The following CRADD variants were observed in gnomAD, a reference collection of about 807,000 sequenced individuals.
CRADD encodes death domain-containing protein CRADD.
Under a neutral mutation model 15.5 loss-of-function variants are expected in CRADD, and 9 were observed. The observed-to-expected ratio is 0.58, with a 90% CI of 0.35 to 1.01. The LOEUF (loss-of-function observed/expected upper bound fraction) is 1.01. CRADD is among the 50% of genes least tolerant of loss of function. The probability of loss-of-function intolerance (pLI) is 0.02; values close to 1 mark genes in which losing one functional copy is unlikely to be tolerated. For missense variants in CRADD, 227 were observed against 250.3 expected, an observed-to-expected ratio of 0.91 and a Z score of 0.63; for synonymous variants, 118 against 107.6, an observed-to-expected ratio of 1.10 and a Z score of -0.60.
intron 2 of CRADD, among the ~76,000 whole-genome samples, chr12:93,742,826 C>A (rs752042257): frequency 7.9e-5 from 12 of 152,026 alleles, no homozygotes; most frequent in Non-Finnish European, 1.5e-4. Flanking sequence ...TTTGAAGGGG[C>A]GAGTCAGGTG....
intron 2 of CRADD, chr12:93,738,572 T>A: frequency 1.5e-6 from 1 of 675,262 alleles, no homozygotes. Flanking sequence ...CTCACCCCGC[T>A]CCCACCGCCA....
intron 2 of CRADD, among the ~76,000 whole-genome samples, chr12:93,744,821 C>T (rs1956727982): frequency 6.6e-6 from 1 of 152,030 alleles, no homozygotes; most frequent in Admixed American, 6.5e-5. Context: ...TTTTAAAACC[C>T]AAAGTTTTTC....
intron 2 of CRADD, among the ~76,000 whole-genome samples, chr12:93,822,014 A>G (rs1384773892): frequency 6.6e-6 from 1 of 151,892 alleles, no homozygotes; most frequent in Non-Finnish European, 1.5e-5. Context: ...GCTATTTGGG[A>G]GGTTGAGGCA....
chr12:93,719,119 C>T (rs953058107), intron 2 of CRADD, among the ~76,000 whole-genome samples: 4 of 151,970 alleles, frequency 2.6e-5, no homozygotes, highest in Admixed American at 2.6e-4. Flanking sequence ...TGTTTTTTAT[C>T]AAGTTGAGGA....
chr12:93,766,793 G>C lies in CRADD; in HGVS notation c.299-83177G>C, dbSNP rs189225924. Among the ~76,000 whole-genome samples, 13 of 152,338 alleles carry C rather than the reference G, an allele frequency of 8.5e-5. No individual in the cohort carries two copies. The South Asian group carries it at 2.3e-3, about 27-fold the overall frequency. ...AAGAGTCAGACTTTCTATTTGGAAT[G>C]TAAGCTCCTTGAGGGCACTGAGCTT... On this transcript the variant is annotated intron_variant, in intron 2 of 2. Coordinates refer to ENST00000332896, the MANE Select transcript of CRADD (RefSeq NM_003805.5).
intron 2 of CRADD, chr12:93,790,714 T>A (rs892610720): frequency 2.6e-5 from 4 of 152,092 alleles, no homozygotes; most frequent in African/African-American, 9.7e-5. Context: ...GCTAGAAGAA[T>A]GGAGGATTAT....
intron 2 of CRADD, among the ~76,000 whole-genome samples, chr12:93,880,903 A>T (rs1464744782): frequency 6.6e-6 from 1 of 152,242 alleles, no homozygotes; most frequent in Non-Finnish European, 1.5e-5. Context: ...TGTTAGAACC[A>T]AACTGAGTGA....
chr12:93,685,997 A>T (rs186599817), intron 2 of CRADD, among the ~76,000 whole-genome samples: 15 of 151,458 alleles, frequency 9.9e-5, no homozygotes, highest in Non-Finnish European at 1.8e-4. Flanking sequence ...TCGTCTAAAA[A>T]ACAAAACCAA....
intron 2 of CRADD, among the ~76,000 whole-genome samples, chr12:93,786,562 G>A (rs1259831272): frequency 6.6e-6 from 1 of 152,146 alleles, no homozygotes; most frequent in Non-Finnish European, 1.5e-5. Flanking sequence ...GTAGATGCCA[G>A]CGCTTCTTTA....
intron 2 of CRADD, among the ~76,000 whole-genome samples, chr12:93,857,686 C>T (rs1389927236): frequency 6.6e-6 from 1 of 152,178 alleles, no homozygotes; most frequent in Non-Finnish European, 1.5e-5. Context: ...AAGCCTTGGG[C>T]TACTTCCACT....
chr12:93,710,434 C>T (rs1055119789), intron 2 of CRADD, among the ~76,000 whole-genome samples: 1 of 151,380 alleles, frequency 6.6e-6, no homozygotes, highest in African/African-American at 2.4e-5. Flanking sequence ...CAACCTCTGC[C>T]TCCTGGGTTC....
intron 2 of CRADD, among the ~76,000 whole-genome samples, chr12:93,822,757 T>A (rs1957782172): frequency 6.6e-6 from 1 of 152,218 alleles, no homozygotes; most frequent in Admixed American, 6.5e-5. Flanking sequence ...CATGTAAAAG[T>A]ATATCTAAGA....
At chr12:93,792,879 T>G (rs560356452) in intron 2 of CRADD, among the ~76,000 whole-genome samples, 46 of 152,196 alleles carry the variant, frequency 3.0e-4, no homozygotes, top group Non-Finnish European at 6.2e-4. Flanking sequence ...AGGTTTTCCA[T>G]AAAATTAAAG....
intron 2 of CRADD, among the ~76,000 whole-genome samples, chr12:93,856,182 G>A (rs560728251): frequency 6.6e-6 from 1 of 152,258 alleles, no homozygotes. Flanking sequence ...AGATGTTTGT[G>A]GTATAGAAAT....
chr12:93,818,636 A>G (rs1957735828), intron 2 of CRADD, among the ~76,000 whole-genome samples: 1 of 152,136 alleles, frequency 6.6e-6, no homozygotes, highest in African/African-American at 2.4e-5. Context: ...ATATCTGCAG[A>G]GGGGGCAAGG....
chr12:93,779,596 T>TC (rs1228041342), intron 2 of CRADD, among the ~76,000 whole-genome samples: 1 of 150,380 alleles, frequency 6.6e-6, no homozygotes, highest in Non-Finnish European at 1.5e-5. Flanking sequence ...AGAACCTTTT[T>TC]TTTTTTTTTT....
At chr12:93,721,875 T>C (rs1956271987) in intron 2 of CRADD, among the ~76,000 whole-genome samples, 1 of 152,228 alleles carries the variant, frequency 6.6e-6, no homozygotes, top group South Asian at 2.1e-4. Context: ...CTTTGATCTG[T>C]TAGATCAATT....
intron 2 of CRADD, among the ~76,000 whole-genome samples, chr12:93,885,231 G>A (rs1017111466): frequency 3.0e-4 from 45 of 152,312 alleles, no homozygotes; most frequent in Admixed American, 1.3e-4. Flanking sequence ...CAAAGACACC[G>A]TAATTGCTGC....
At chr12:93,867,004 A>G (rs1294286931) in intron 2 of CRADD, among the ~76,000 whole-genome samples, 1 of 152,012 alleles carries the variant, frequency 6.6e-6, no homozygotes, top group Non-Finnish European at 1.5e-5. Flanking sequence ...TAATTTTCTG[A>G]TCACACAAAG....
Sources: allele counts gnomAD v4.1 joint callset (sites outside exome capture counted in the v4.1 genomes callset), GRCh38; gene constraint gnomAD v4.1.1; transcripts MANE v1.5; gene names NCBI Gene and HGNC (gene_info 2026-07-23, HGNC 2026-07-21).